The following CCNT2 variants were observed in gnomAD, a reference collection of about 807,000 sequenced individuals.
CCNT2 encodes the protein cyclin-T2.
A neutral mutation model predicts 70.0 loss-of-function variants in CCNT2; 18 were observed. That is an observed-to-expected ratio of 0.26 (90% confidence interval 0.18 to 0.38). The LOEUF is 0.38. Among genes scored for constraint, CCNT2 ranks in the 10% least tolerant of loss-of-function variants. The probability of loss-of-function intolerance (pLI) is 1.00; values close to 1 mark genes in which losing one functional copy is unlikely to be tolerated. For missense variants in CCNT2, 734 were observed against 890.2 expected, an observed-to-expected ratio of 0.82 and a Z score of 2.23; for synonymous variants, 334 against 313.3, an observed-to-expected ratio of 1.07 and a Z score of -0.70.
At position 134,954,523 on chromosome 2, in the gene CCNT2, A is replaced by C. The variant is rs1682798431; in HGVS notation, c.2068A>C (p.Lys690Gln). The C allele has an allele frequency of 6.2e-7, 1 of 1,614,140 alleles. No individual in the cohort carries two copies. The highest frequency in any genetic ancestry group is 8.5e-7 in the Non-Finnish European group (1 of 1,179,982). Reference sequence around the variant, plus strand: ...CAGCACCCTCGTGAAACTGGACAAGAAGCCAGTGGAGACCAACGGTCCTGA... The same window carrying C: ...CAGCACCCTCGTGAAACTGGACAAGCAGCCAGTGGAGACCAACGGTCCTGA... Reference protein sequence around the residue: ...HLSTLVKLDKKPVETNGPDAN... With the variant: ...HLSTLVKLDKQPVETNGPDAN... The change falls in exon 9 of 9, where the codon AAG (lysine) becomes CAG (glutamine). Residue 690 changes from lysine to glutamine, a missense_variant. Around this residue, in one of 3 missense-constraint regions of CCNT2, gnomAD observed 532 missense variants for 556.9 expected, o/e 0.96. Transcript: ENST00000264157.
intron 2 of CCNT2, among the ~76,000 whole-genome samples, chr2:134,925,093 A>G (rs1161356061): frequency 1.3e-5 from 2 of 152,144 alleles, no homozygotes; most frequent in East Asian, 3.8e-4. Flanking sequence ...AGATGGTGTT[A>G]ATGTTCTTTG....
At chr2:134,924,878 C>T (rs762561335) in intron 2 of CCNT2, among the ~76,000 whole-genome samples, 1 of 152,174 alleles carries the variant, frequency 6.6e-6, no homozygotes, top group Admixed American at 6.5e-5. Flanking sequence ...CATGTTTCCC[C>T]TCCATCTTTT....
chr2:134,929,613 C>CAGAGAGAGAGAGAGAGAGAGAGAG (rs140163816), intron 2 of CCNT2, among the ~76,000 whole-genome samples: 1,743 of 117,504 alleles, frequency 0.015, 56 homozygotes, highest in Admixed American at 0.023. Flanking sequence ...GTCTCAAAAA[C>CAGAGAGAGAGAGAGAGAGAGAGAG]AGAGAGAGAG....
At chr2:134,948,783 T>A in intron 7 of CCNT2, among the ~76,000 whole-genome samples, 1 of 150,694 alleles carries the variant, frequency 6.6e-6, no homozygotes, top group Non-Finnish European at 1.5e-5. Flanking sequence ...GGTGCAATCT[T>A]GGCTCACCGC....
chr2:134,929,449 TA>T (rs1052992224), intron 2 of CCNT2, among the ~76,000 whole-genome samples: 4 of 150,114 alleles, frequency 2.7e-5, no homozygotes, highest in African/African-American at 4.9e-5. Context: ...AAAATTAATT[TA>T]AAAAAAAATT....
At position 134,953,820 on chromosome 2, in the gene CCNT2, T is replaced by C. The variant is rs1030845234; in HGVS notation, c.1365T>C (p.His455=). Residue 455 remains histidine, a synonymous_variant, in exon 9 of 9, where the codon CAT becomes CAC. Coordinates refer to ENST00000264157, the MANE Select transcript of CCNT2 (RefSeq NM_058241.3). The part of the protein sequence containing the change: ...LETLDLDVRD[H]YIAAQVEQQH... ...CTCTTGATCTCGATGTAAGGGATCA[T>C]TATATAGCTGCCCAGGTAGAACAGC... The C allele has an allele frequency of 1.4e-5, 22 of 1,613,958 alleles. No homozygotes were observed. The highest frequency in any genetic ancestry group is 1.5e-5 in the Non-Finnish European group (18 of 1,179,856).
At chr2:134,944,815 G>C in intron 5 of CCNT2, 1 of 984,944 alleles carries the variant, frequency 1.0e-6, no homozygotes, top group African/African-American at 1.7e-5. Flanking sequence ...ATTCTCTGTT[G>C]CACAGTGACT....
intron 7 of CCNT2, among the ~76,000 whole-genome samples, chr2:134,949,545 T>C (rs932728995): frequency 6.6e-6 from 1 of 152,240 alleles, no homozygotes. Context: ...TTCTATTTTG[T>C]TTTCCACCTG....
At chr2:134,936,383 A>G (rs754163655) in intron 2 of CCNT2, among the ~76,000 whole-genome samples, 2 of 152,142 alleles carry the variant, frequency 1.3e-5, no homozygotes, top group African/African-American at 4.8e-5. Flanking sequence ...TATTACATCA[A>G]TCTTGTCATA....
At chr2:134,949,648 T>C (rs1256542311) in intron 7 of CCNT2, among the ~76,000 whole-genome samples, 1 of 152,230 alleles carries the variant, frequency 6.6e-6, no homozygotes, top group Non-Finnish European at 1.5e-5. Context: ...TTTCAGAGTT[T>C]ATCCAGAGGA....
Position 134,956,982 on chromosome 2 carries a change from C to CT in CCNT2, c.*2337dup, listed in dbSNP as rs1418251937. On this transcript the variant is annotated 3_prime_UTR_variant, in exon 9 of 9. Coordinates refer to ENST00000264157, the MANE Select transcript of CCNT2 (RefSeq NM_058241.3). ...CTGTAAATGTAATTCTTTACAATGACTTTATTTATTAAAGGGCAGCCAGTT... is the reference window on the plus strand; with the variant it reads ...CTGTAAATGTAATTCTTTACAATGACTTTTATTTATTAAAGGGCAGCCAGTT... 1 of 152,556 alleles carries CT rather than the reference C, an allele frequency of 6.6e-6. No homozygotes were observed. Among genetic ancestry groups the CT allele is most frequent in the Non-Finnish European group, 1.5e-5 (1 of 67,992 alleles). The allele number at this position is 152,556 out of a possible 1,614,324, so 9.5% of individuals were successfully genotyped here.
chr2:134,928,189 T>A, intron 2 of CCNT2, among the ~76,000 whole-genome samples: 1 of 151,810 alleles, frequency 6.6e-6, no homozygotes, highest in East Asian at 1.9e-4. Context: ...CTCGAACTCC[T>A]GACCTCAGGT....
chr2:134,951,886 G>C (rs1682530355), intron 7 of CCNT2, among the ~76,000 whole-genome samples: 1 of 152,022 alleles, frequency 6.6e-6, no homozygotes, highest in African/African-American at 2.4e-5. Flanking sequence ...GTTCCATTTA[G>C]TTGACATGTC....
chr2:134,952,765 A>G lies in CCNT2; in HGVS notation c.774+54A>G, dbSNP rs749605663. 4.0e-6 allele frequency: 5 copies of G among 1,234,820 alleles called. No homozygotes were observed. In the South Asian group the frequency reaches 5.1e-5, roughly 13 times the overall value. 76.5% of individuals were successfully genotyped at this position (1,234,820 alleles called of 1,614,324 possible). A position where few individuals can be genotyped will look rare whatever the true frequency, so the allele number is the denominator to read the frequency against. On this transcript the variant is annotated intron_variant, in intron 8 of 8. Transcript: ENST00000264157. ...TTTCAGTCTTTTATGTAACATTTAC[A>G]TAGCTAACCAGTTTGAATTTTTGTG...
intron 5 of CCNT2, chr2:134,945,639 G>A: frequency 2.5e-6 from 3 of 1,212,408 alleles, no homozygotes; most frequent in South Asian, 1.5e-5. Flanking sequence ...TGTTTTGTGG[G>A]GTGGGGGTTT....
Position 134,953,613 on chromosome 2 carries a change from T to C in CCNT2, c.1158T>C (p.Ser386=), listed in dbSNP as rs1460685292. 1.2e-6 allele frequency: 2 copies of C among 1,614,006 alleles called. No homozygotes were observed. The highest frequency in any genetic ancestry group is 1.7e-6 in the Non-Finnish European group (2 of 1,179,878). ...QYNINFQQGP[S]ISLHSGLHHR... ...ACATCAACTTCCAGCAGGGACCTTCTATATCACTGCATTCAGGATTACATC... is the reference window on the plus strand; with the variant it reads ...ACATCAACTTCCAGCAGGGACCTTCCATATCACTGCATTCAGGATTACATC... Residue 386 remains serine (S), a synonymous_variant, in exon 9 of 9, where the codon TCT becomes TCC. Transcript: ENST00000264157.
chr2:134,931,785 A>G (rs182576557), intron 2 of CCNT2, among the ~76,000 whole-genome samples: 2 of 152,192 alleles, frequency 1.3e-5, no homozygotes, highest in Admixed American at 1.3e-4. Context: ...GTTTTTTAAG[A>G]GAAGGGATCT....
intron 2 of CCNT2, among the ~76,000 whole-genome samples, chr2:134,935,513 C>G (rs989080956): frequency 6.6e-6 from 1 of 152,160 alleles, no homozygotes; most frequent in African/African-American, 2.4e-5. Flanking sequence ...GGCATTGTTT[C>G]TGTACGGTAA....
At position 134,942,547 on chromosome 2, in the gene CCNT2, A is replaced by G. The variant is rs540796174; in HGVS notation, c.431-65A>G. ...ATAATGAAGAATATATTATACGTTT[A>G]TGGCATTTCTCAGGCAAGTACTGTA... On this transcript the variant is annotated intron_variant, in intron 4 of 8. Transcript: ENST00000264157. The G allele has an allele frequency of 5.2e-5, 57 of 1,086,000 alleles. No individual in the cohort carries two copies. The South Asian group carries it at 7.6e-4, about 14-fold the overall frequency. 67.3% of individuals were successfully genotyped at this position (1,086,000 alleles called of 1,614,324 possible).
Sources: allele counts gnomAD v4.1 joint callset (sites outside exome capture counted in the v4.1 genomes callset), GRCh38; gene constraint gnomAD v4.1.1; regional missense constraint gnomAD v4.1.1; transcripts MANE v1.5; gene names NCBI Gene and HGNC (gene_info 2026-07-23, HGNC 2026-07-21).